The following PSMD7 variants were observed in gnomAD, a reference collection of about 807,000 sequenced individuals.
PSMD7 encodes proteasome 26S subunit, non-ATPase 7.
A neutral mutation model predicts 36.4 loss-of-function variants in PSMD7; 13 were observed. The ratio of observed to expected loss-of-function variants is 0.36; its 90% confidence interval spans 0.23 to 0.57. PSMD7 has a LOEUF of 0.57. Among genes scored for constraint, PSMD7 ranks in the 20% least tolerant of loss-of-function variants. PSMD7 has a pLI of 0.83. For synonymous variants in PSMD7, 186 were observed against 151.0 expected, an observed-to-expected ratio of 1.23 and a Z score of -1.70; for missense variants, 298 against 393.6, an observed-to-expected ratio of 0.76 and a Z score of 2.06.
rs781413955 is a variant in PSMD7 at position 74,300,124 on chromosome 16, G to A, written c.84G>A (p.Lys28=). The change falls in exon 2 of 7, where the codon AAG becomes AAA. Residue 28 remains lysine, a synonymous_variant. Coordinates refer to ENST00000219313, the MANE Select transcript of PSMD7 (RefSeq NM_002811.5). ...CTGTTTTCTCATTCAGAATCGGCAA[G>A]GTTGGAAACCAGAAGCGTGTTGTTG... The part of the protein sequence containing the change: ...SVVDHFNRIG[K]VGNQKRVVGV... 1.2e-6 allele frequency: 2 copies of A among 1,614,182 alleles called. No homozygotes were observed. The highest frequency in any genetic ancestry group is 3.3e-5 in the Admixed American group (2 of 60,022).
In PSMD7 at chr16:74,305,478, C is replaced by T; in HGVS notation, c.720C>T (p.Val240=). The change falls in exon 7 of 7, where the codon GTC becomes GTT. Residue 240 remains valine, a synonymous_variant. Transcript: ENST00000219313. ...LQDVFNLLPD[V]SLQEFVKAFY... is the part of the protein sequence containing the mutation. Reference sequence around the variant, plus strand: ...ACGTCTTCAACCTGCTGCCAGATGTCAGCCTGCAGGAGTTCGTCAAGGCCT... The same window carrying T: ...ACGTCTTCAACCTGCTGCCAGATGTTAGCCTGCAGGAGTTCGTCAAGGCCT... 1 of 1,614,160 alleles carries T rather than the reference C, an allele frequency of 6.2e-7. No homozygotes were observed. Among genetic ancestry groups the T allele is most frequent in the East Asian group, 2.2e-5 (1 of 44,872 alleles).
Position 74,306,103 on chromosome 16 carries a change from A to G in PSMD7, c.*370A>G, listed in dbSNP as rs969286416. Reference sequence around the variant, plus strand: ...GGGTCTGTTTCTGGTATTTTACAAAATTGCTAAGTGGAATGCATGAATTGC... The same window carrying G: ...GGGTCTGTTTCTGGTATTTTACAAAGTTGCTAAGTGGAATGCATGAATTGC... On this transcript the variant is annotated 3_prime_UTR_variant, in exon 7 of 7. Transcript: ENST00000219313. The G allele has an allele frequency of 6.1e-6, 1 of 164,412 alleles. No homozygotes were observed. The highest frequency in any genetic ancestry group is 2.4e-5 in the African/African-American group (1 of 41,888). The allele number at this position is 164,412 out of a possible 1,614,324, so 10.2% of individuals were successfully genotyped here. A position where few individuals can be genotyped will look rare whatever the true frequency, so the allele number is the denominator to read the frequency against.
chr16:74,304,432 C>G, intron 6 of PSMD7, 38 bp downstream of exon 6: 1 of 1,559,808 alleles, frequency 6.4e-7, no homozygotes, highest in Non-Finnish European at 8.8e-7. Context: ...ATTCACTGCC[C>G]GAGAGGTCAC....
chr16:74,305,559 TTCCGTGG>T lies in PSMD7; in HGVS notation c.804_810del (p.Val269ProfsTer45). On this transcript the variant is annotated frameshift_variant, in exon 7 of 7. Coordinates refer to ENST00000219313, the MANE Select transcript of PSMD7 (RefSeq NM_002811.5). LOFTEE classifies it high-confidence loss of function. ...TAGTGTACTTGGCCTCGCTGATCCG[TTCCGTGG>T]TCGCCCTGCACAACCTCATCAACAA... 1 of 1,612,958 alleles carries T rather than the reference TTCCGTGG, an allele frequency of 6.2e-7. No individual in the cohort carries two copies. Among genetic ancestry groups the T allele is most frequent in the Non-Finnish European group, 8.5e-7 (1 of 1,179,022 alleles).
chr16:74,304,441 A>C, intron 6 of PSMD7, 47 bp downstream of exon 6: 2 of 1,541,576 alleles, frequency 1.3e-6, no homozygotes, highest in Non-Finnish European at 1.8e-6. Flanking sequence ...CCGAGAGGTC[A>C]CACAGTGTAA....
In PSMD7 at chr16:74,304,433, G is replaced by A. The variant is rs117961311; in HGVS notation, c.530+39G>A. ...ACAGCATCAAAATCATTCACTGCCC[G>A]AGAGGTCACACAGTGTAAGGAAGAG... On this transcript the variant is annotated intron_variant, in intron 6 of 6. Transcript: ENST00000219313. 119 of 1,561,202 alleles carry A rather than the reference G, an allele frequency of 7.6e-5. No homozygotes were observed. The East Asian group carries it at 1.3e-3, about 17-fold the overall frequency.
In PSMD7 at chr16:74,305,731, T is replaced by TAAAACATGTATTAA. The variant is rs1372894038; in HGVS notation, c.975_*13dup. 7.0e-7 allele frequency: 1 copy of TAAAACATGTATTAA among 1,423,012 alleles called. No individual in the cohort carries two copies. Among genetic ancestry groups the TAAAACATGTATTAA allele is most frequent in the African/African-American group, 1.4e-5 (1 of 69,402 alleles). 88.1% of individuals were successfully genotyped at this position (1,423,012 alleles called of 1,614,324 possible). On this transcript the variant is annotated frameshift_variant and stop_retained_variant, in exon 7 of 7. Coordinates refer to ENST00000219313, the MANE Select transcript of PSMD7 (RefSeq NM_002811.5). LOFTEE classifies it high-confidence loss of function. Reference sequence around the variant, plus strand: ...GAAAGAGGAGAAAAAGGAGAAAAAGTAAAACATGTATTAAATAGCTTTTTT... The same window carrying TAAAACATGTATTAA: ...GAAAGAGGAGAAAAAGGAGAAAAAGTAAAACATGTATTAAAAAACATGTATTAAATAGCTTTTTT...
At chr16:74,305,200 CTAGGAATT>C in intron 6 of PSMD7, 81 bp from the exon 7 acceptor site, 1 of 1,431,446 alleles carries the variant, frequency 7.0e-7, no homozygotes, top group Non-Finnish European at 9.2e-7. Context: ...CCCAACAAAG[CTAGGAATT>C]TTCTTAGAAT....
At chr16:74,303,072 A>G (rs1021024513) in intron 5 of PSMD7, among the ~76,000 whole-genome samples, 1 of 152,148 alleles carries the variant, frequency 6.6e-6, no homozygotes, top group Admixed American at 6.5e-5. Flanking sequence ...GCTCGTACAC[A>G]TGCACCCCAG....
At chr16:74,300,948 T>A (rs1290413693) in intron 2 of PSMD7, 104 bp from the exon 3 acceptor site, 5 of 582,698 alleles carry the variant, frequency 8.6e-6, no homozygotes, top group Admixed American at 3.7e-5. Flanking sequence ...GCTGGGCAAG[T>A]GAAACACGTA....
In PSMD7 at chr16:74,305,340, G is replaced by A; in HGVS notation, c.582G>A (p.Gln194=). 2 of 1,614,018 alleles carry A rather than the reference G, an allele frequency of 1.2e-6. No homozygotes were observed. Among genetic ancestry groups the A allele is most frequent in the African/African-American group, 2.7e-5 (2 of 75,030 alleles). Residue 194 remains glutamine, a synonymous_variant, in exon 7 of 7, where the codon CAG becomes CAA. Coordinates refer to ENST00000219313, the MANE Select transcript of PSMD7 (RefSeq NM_002811.5). ...VGTLSQRITN[Q]VHGLKGLNSK... is the part of the protein sequence containing the mutation. Reference sequence around the variant, plus strand: ...CTCTGTCCCAGCGGATCACAAACCAGGTCCATGGTTTGAAGGGACTGAACT... The same window carrying A: ...CTCTGTCCCAGCGGATCACAAACCAAGTCCATGGTTTGAAGGGACTGAACT...
intron 6 of PSMD7, 38 bp from the exon 7 acceptor site, chr16:74,305,251 T>C: frequency 1.3e-6 from 2 of 1,564,416 alleles, no homozygotes; most frequent in Non-Finnish European, 1.7e-6. Context: ...GGTACCCTGA[T>C]GCCTTTTCCT....
rs1015533324 is a variant in PSMD7 at position 74,300,978 on chromosome 16, A to G, written c.167-74A>G. On this transcript the variant is annotated intron_variant, in intron 2 of 6. Transcript: ENST00000219313. ...CACGTAAGTGAATCAGAACTGGCCT[A>G]GGGGTCTTCAATTGTGACCTGTGTT... 7.7e-6 allele frequency: 7 copies of G among 906,396 alleles called. No homozygotes were observed. The African/African-American group carries it at 1.2e-4, about 15-fold the overall frequency. 56.1% of individuals were successfully genotyped at this position (906,396 alleles called of 1,614,324 possible). A position where few individuals can be genotyped will look rare whatever the true frequency, so the allele number is the denominator to read the frequency against.
intron 5 of PSMD7, 76 bp downstream of exon 5, chr16:74,302,368 A>G: frequency 8.4e-7 from 1 of 1,193,298 alleles, no homozygotes; most frequent in Middle Eastern, 2.0e-4. Context: ...TTCAATTTTC[A>G]GGTCAACAAA....
chr16:74,306,270 T>A lies in PSMD7; in HGVS notation c.*537T>A, dbSNP rs2034196538. 1 of 152,650 alleles carries A rather than the reference T, an allele frequency of 6.6e-6. No individual in the cohort carries two copies. The highest frequency in any genetic ancestry group is 6.5e-5 in the Admixed American group (1 of 15,272). 9.5% of individuals were successfully genotyped at this position (152,650 alleles called of 1,614,324 possible). ...TATTGTTTACCTTCAAAGATACAATTAAATGGCTTGATTTTTAAGCTGTGT... is the reference window on the plus strand; with the variant it reads ...TATTGTTTACCTTCAAAGATACAATAAAATGGCTTGATTTTTAAGCTGTGT... On this transcript the variant is annotated 3_prime_UTR_variant, in exon 7 of 7. Transcript: ENST00000219313.
In PSMD7 at chr16:74,305,694, G is replaced by T. The variant is rs750181352; in HGVS notation, c.936G>T (p.Lys312Asn). ...AGGAGAAAGATAAAGATAAGGAAAA[G>T]AGTGATGTAAAGAAAGAGGAGAAAA... Reference protein sequence around the residue: ...EDKEKDKDKEKSDVKKEEKKE... With the variant: ...EDKEKDKDKENSDVKKEEKKE... Residue 312 changes from lysine (K) to asparagine (N), a missense_variant, in exon 7 of 7, where the codon AAG becomes AAT. Transcript: ENST00000219313. The T allele has an allele frequency of 1.5e-5, 22 of 1,483,362 alleles. No homozygotes were observed. Among genetic ancestry groups the T allele is most frequent in the Non-Finnish European group, 1.8e-5 (20 of 1,113,636 alleles). The allele number at this position is 1,483,362 out of a possible 1,614,324, so 91.9% of individuals were successfully genotyped here. A position where few individuals can be genotyped will look rare whatever the true frequency, so the allele number is the denominator to read the frequency against.
intron 1 of PSMD7, 119 bp downstream of exon 1, chr16:74,297,107 T>G: frequency 9.1e-7 from 1 of 1,102,166 alleles, no homozygotes; most frequent in Non-Finnish European, 1.3e-6. Context: ...CTGGTGACCC[T>G]TACTTGTTCA....
At chr16:74,302,572 G>GA (rs1195258539) in intron 5 of PSMD7, among the ~76,000 whole-genome samples, 1 of 152,054 alleles carries the variant, frequency 6.6e-6, no homozygotes, top group African/African-American at 2.4e-5. Context: ...AACATAGCAA[G>GA]ACACCTACAA....
In PSMD7 at chr16:74,306,042, CAGG is replaced by C. The variant is rs2034194572; in HGVS notation, c.*312_*314del. The stretch of plus-strand genomic sequence containing the variant: ...CTCTTCATTCATTTATCTCTAAAAC[CAGG>C]AGTTGAATTTTCCTCATCTTGAAAG... On this transcript the variant is annotated 3_prime_UTR_variant, in exon 7 of 7. Transcript: ENST00000219313. 4.7e-6 allele frequency: 1 copy of C among 211,042 alleles called. No homozygotes were observed. Among genetic ancestry groups the C allele is most frequent in the African/African-American group, 2.3e-5 (1 of 43,896 alleles). The allele number at this position is 211,042 out of a possible 1,614,324, so 13.1% of individuals were successfully genotyped here. A position where few individuals can be genotyped will look rare whatever the true frequency, so the allele number is the denominator to read the frequency against.
Sources: allele counts gnomAD v4.1 joint callset (sites outside exome capture counted in the v4.1 genomes callset), GRCh38; gene constraint gnomAD v4.1.1; transcripts MANE v1.5; gene names NCBI Gene and HGNC (gene_info 2026-07-23, HGNC 2026-07-21).